The following SEZ6L variants were observed in gnomAD, a reference collection of about 807,000 sequenced individuals.
SEZ6L encodes seizure 6-like protein.
A neutral mutation model predicts 106.2 loss-of-function variants in SEZ6L; 37 were observed. That is an observed-to-expected ratio of 0.35 (90% CI 0.27 to 0.46). The LOEUF is 0.46. SEZ6L is among the 20% of genes least tolerant of loss of function. SEZ6L has a pLI of 1.00. For missense variants in SEZ6L, 1,172 were observed against 1,332.8 expected, an observed-to-expected ratio of 0.88 and a Z score of 1.88; for synonymous variants, 541 against 570.4, an observed-to-expected ratio of 0.95 and a Z score of 0.73.
chr22:26,245,923 G>T (rs528297910), intron 1 of SEZ6L, among the ~76,000 whole-genome samples: 1 of 152,304 alleles, frequency 6.6e-6, no homozygotes, highest in South Asian at 2.1e-4. Context: ...GCTACAAAGG[G>T]CAATGATGAT....
At chr22:26,349,471 T>C (rs139039860) in intron 11 of SEZ6L, among the ~76,000 whole-genome samples, 20 of 152,390 alleles carry the variant, frequency 1.3e-4, no homozygotes, top group African/African-American at 4.6e-4. Flanking sequence ...ATTTATTCTA[T>C]ATTGCTTCAA....
chr22:26,221,154 C>CT (rs897572171), intron 1 of SEZ6L, among the ~76,000 whole-genome samples: 1 of 152,142 alleles, frequency 6.6e-6, no homozygotes, highest in Non-Finnish European at 1.5e-5. Context: ...CAGATCCCTT[C>CT]TTTTGCCTGC....
intron 1 of SEZ6L, among the ~76,000 whole-genome samples, chr22:26,285,529 C>G (rs1370203581): frequency 6.6e-6 from 1 of 152,166 alleles, no homozygotes. Context: ...AATCTTGCCA[C>G]CCAGGAAACA....
intron 10 of SEZ6L, 86 bp downstream of exon 10, chr22:26,340,718 G>C (rs962510598): frequency 9.3e-7 from 1 of 1,077,694 alleles, no homozygotes; most frequent in African/African-American, 1.6e-5. Context: ...TGGCAGTTTT[G>C]TACTACAGCG....
chr22:26,202,428 G>C (rs1235154417), intron 1 of SEZ6L, among the ~76,000 whole-genome samples: 1 of 152,118 alleles, frequency 6.6e-6, no homozygotes, highest in Non-Finnish European at 1.5e-5. Flanking sequence ...AATTCATGAT[G>C]GCACATTCCC....
At position 26,380,319 on chromosome 22, in the gene SEZ6L, A is replaced by T; in HGVS notation, c.*24A>T. On this transcript the variant is annotated 3_prime_UTR_variant, in exon 17 of 17. Transcript: ENST00000248933. ...AAAGAGAGCTACACTTGAGAAGGGG[A>T]CTTGTGAACTCAACCACAATCTCCT... is the stretch of plus-strand genomic sequence containing the variant. The T allele has an allele frequency of 6.2e-7, 1 of 1,604,252 alleles. No individual in the cohort carries two copies. The highest frequency in any genetic ancestry group is 8.5e-7 in the Non-Finnish European group (1 of 1,171,142).
intron 12 of SEZ6L, chr22:26,365,053 G>T: frequency 4.7e-6 from 1 of 211,302 alleles, no homozygotes. Context: ...TACTTTGATC[G>T]TCGTTATGCT....
intron 1 of SEZ6L, among the ~76,000 whole-genome samples, chr22:26,242,457 G>A (rs1435201697): frequency 6.6e-6 from 1 of 152,196 alleles, no homozygotes; most frequent in African/African-American, 2.4e-5. Context: ...GCTCAAGCTC[G>A]TGGCTTGCTG....
intron 1 of SEZ6L, among the ~76,000 whole-genome samples, chr22:26,220,563 G>A (rs895760857): frequency 6.6e-6 from 1 of 152,168 alleles, no homozygotes; most frequent in Non-Finnish European, 1.5e-5. Flanking sequence ...GGTGAAGCAG[G>A]TCTCATTGCC....
chr22:26,316,444 G>C (rs186468585), intron 9 of SEZ6L, among the ~76,000 whole-genome samples: 1 of 152,340 alleles, frequency 6.6e-6, no homozygotes, highest in African/African-American at 2.4e-5. Flanking sequence ...TGACAGGCAG[G>C]TGAGGGCACC....
Position 26,192,064 on chromosome 22 carries a change from CT to C in SEZ6L, c.94+22302del, listed in dbSNP as rs530781163. On this transcript the variant is annotated intron_variant, in intron 1 of 16. Transcript: ENST00000248933. ...TCCATTCATCAATGCATCCAGTTAT[CT>C]GTCCATCCATCTACCCACCTCTTCA... Among the ~76,000 whole-genome samples the C allele has an allele frequency of 4.3e-3, 654 of 152,284 alleles. 1 individual carries two copies. Among genetic ancestry groups the C allele is most frequent in the Non-Finnish European group, 6.4e-3 (436 of 68,030 alleles).
intron 1 of SEZ6L, among the ~76,000 whole-genome samples, chr22:26,261,748 C>T (rs1172166159): frequency 6.6e-6 from 1 of 152,016 alleles, no homozygotes. Flanking sequence ...TGAGGTCTCT[C>T]CTTTGAAAGA....
intron 1 of SEZ6L, among the ~76,000 whole-genome samples, chr22:26,217,066 T>C (rs2078319439): frequency 2.0e-5 from 3 of 152,196 alleles, no homozygotes; most frequent in Admixed American, 2.0e-4. Context: ...GTGCTTTGCT[T>C]TTTTGACTAA....
chr22:26,262,308 C>T (rs1387738613), intron 1 of SEZ6L, among the ~76,000 whole-genome samples: 1 of 134,090 alleles, frequency 7.5e-6, no homozygotes, highest in Non-Finnish European at 1.6e-5. Context: ...AATACATGGC[C>T]CTTCTTGTGA....
At chr22:26,253,735 T>C (rs2079697729) in intron 1 of SEZ6L, among the ~76,000 whole-genome samples, 1 of 152,246 alleles carries the variant, frequency 6.6e-6, no homozygotes, top group African/African-American at 2.4e-5. Context: ...AAATTGGTGC[T>C]TAGGTTCCTG....
At chr22:26,201,959 G>A (rs1383092970) in intron 1 of SEZ6L, among the ~76,000 whole-genome samples, 1 of 152,138 alleles carries the variant, frequency 6.6e-6, no homozygotes, top group Non-Finnish European at 1.5e-5. Context: ...TGTCGCCCAG[G>A]CTGGAGTGCA....
intron 1 of SEZ6L, among the ~76,000 whole-genome samples, chr22:26,236,218 G>A (rs531552081): frequency 2.6e-5 from 4 of 152,356 alleles, no homozygotes; most frequent in African/African-American, 9.6e-5. Context: ...TGGAGTTTGA[G>A]GGCAGATGGC....
intron 1 of SEZ6L, among the ~76,000 whole-genome samples, chr22:26,207,910 ATTTTT>A (rs134772): frequency 1.4e-5 from 2 of 138,500 alleles, no homozygotes; most frequent in Non-Finnish European, 1.6e-5. Context: ...ATTCATGTGT[ATTTTT>A]TTTTTTTTTT....
chr22:26,242,306 A>G (rs1042315322), intron 1 of SEZ6L, among the ~76,000 whole-genome samples: 5 of 152,344 alleles, frequency 3.3e-5, no homozygotes, highest in African/African-American at 9.6e-5. Context: ...CCTCCAGTCC[A>G]TGGGGCCAGG....
Sources: gnomAD v4.1 joint callset for allele counts (sites outside exome capture counted in the v4.1 genomes callset) on GRCh38, gnomAD v4.1.1 for gene constraint, MANE v1.5 for transcripts, NCBI Gene and HGNC (gene_info 2026-07-23, HGNC 2026-07-21) for gene names.